SUGCT: variants seen among roughly 807,000 people sequenced by gnomAD.
SUGCT encodes the protein succinyl-CoA:glutarate CoA-transferase.
In SUGCT, 41 loss-of-function variants were observed where a neutral mutation model predicts 55.0. That is an observed-to-expected ratio of 0.74 (90% CI 0.58 to 0.97). The LOEUF is 0.97. Among genes scored for constraint, SUGCT ranks in the 50% least tolerant of loss-of-function variants. The probability of loss-of-function intolerance (pLI) is 0.00; values close to 1 mark genes in which losing one functional copy is unlikely to be tolerated. For synonymous variants in SUGCT, 187 were observed against 200.4 expected, an observed-to-expected ratio of 0.93 and a Z score of 0.56; for missense variants, 568 against 547.8, an observed-to-expected ratio of 1.04 and a Z score of -0.37.
chr7:40,643,570 G>T lies in SUGCT; in HGVS notation c.1090-105864G>T, dbSNP rs541166895. Among the ~76,000 whole-genome samples, 10 of 152,258 alleles carry T rather than the reference G, an allele frequency of 6.6e-5. No individual in the cohort carries two copies. The East Asian group carries it at 1.7e-3, about 26-fold the overall frequency. On this transcript the variant is annotated intron_variant, in intron 12 of 13. Transcript: ENST00000335693. ...GTCTTTTGTTTTGTATCTGAAGAAAGAGTTCAATGCTAAAAGGAAAACATT... is the reference window on the plus strand; with the variant it reads ...GTCTTTTGTTTTGTATCTGAAGAAATAGTTCAATGCTAAAAGGAAAACATT...
At chr7:40,900,817 C>T in the SUGCT span, among the ~76,000 whole-genome samples, 1 of 152,226 alleles carries the variant, frequency 6.6e-6, no homozygotes, top group Admixed American at 6.5e-5. Flanking sequence ...AGAAGAATGG[C>T]ACATCATTTA....
At chr7:40,998,553 A>C in the SUGCT span, among the ~76,000 whole-genome samples, 1 of 152,172 alleles carries the variant, frequency 6.6e-6, no homozygotes, top group Non-Finnish European at 1.5e-5. Flanking sequence ...CAGCAGTCAT[A>C]AATTAGTATC....
chr7:40,276,795 ATGTGTGTGTGTG>A (rs754085745), intron 8 of SUGCT, among the ~76,000 whole-genome samples: 1 of 146,862 alleles, frequency 6.8e-6, no homozygotes, highest in Admixed American at 6.8e-5. Flanking sequence ...TGGGGTGTGC[ATGTGTGTGTGTG>A]TGTGTGTGTG....
At chr7:40,834,930 G>A (rs1584509801) in intron 13 of SUGCT, among the ~76,000 whole-genome samples, 1 of 152,124 alleles carries the variant, frequency 6.6e-6, no homozygotes, top group Admixed American at 6.5e-5. Context: ...TGAATCCATC[G>A]ATGTGTCATT....
At chr7:40,627,366 C>T (rs753466443) in intron 12 of SUGCT, among the ~76,000 whole-genome samples, 4 of 152,168 alleles carry the variant, frequency 2.6e-5, no homozygotes, top group Non-Finnish European at 4.4e-5. Flanking sequence ...TGGTGTTCAT[C>T]CCATGTAAAT....
chr7:40,421,960 A>G (rs1169838145), intron 9 of SUGCT, among the ~76,000 whole-genome samples: 1 of 152,136 alleles, frequency 6.6e-6, no homozygotes. Context: ...TTAGGTGTTA[A>G]GACATTAGTG....
At chr7:40,156,088 C>T (rs369087847) in intron 1 of SUGCT, among the ~76,000 whole-genome samples, 2 of 152,076 alleles carry the variant, frequency 1.3e-5, no homozygotes, top group African/African-American at 4.8e-5. Flanking sequence ...AACTCCTGAC[C>T]TGAAGTGATC....
chr7:40,732,912 C>T (rs1196783189), intron 12 of SUGCT, among the ~76,000 whole-genome samples: 1 of 152,022 alleles, frequency 6.6e-6, no homozygotes. Flanking sequence ...CAGCATGGTG[C>T]AACCCCAACT....
chr7:40,853,457 C>T (rs571555231), intron 13 of SUGCT, among the ~76,000 whole-genome samples: 251 of 152,158 alleles, frequency 1.6e-3, no homozygotes, highest in African/African-American at 5.2e-3. Flanking sequence ...CTCCGCCTCC[C>T]GGGCTCAAGA....
At chr7:41,010,419 G>C in the SUGCT span, among the ~76,000 whole-genome samples, 1 of 152,234 alleles carries the variant, frequency 6.6e-6, no homozygotes, top group African/African-American at 2.4e-5. Flanking sequence ...ACATTTCTAG[G>C]AGTGAAATCT....
At chr7:40,684,522 C>T (rs1784386112) in intron 12 of SUGCT, among the ~76,000 whole-genome samples, 1 of 152,170 alleles carries the variant, frequency 6.6e-6, no homozygotes, top group Admixed American at 6.5e-5. Context: ...CACCTCTCGT[C>T]TTCAGATTCT....
chr7:40,360,239 C>G (rs1798085001), intron 9 of SUGCT, among the ~76,000 whole-genome samples: 1 of 152,178 alleles, frequency 6.6e-6, no homozygotes, highest in Admixed American at 6.5e-5. Flanking sequence ...GTCTAGAACT[C>G]CTGATTTCAA....
intron 12 of SUGCT, among the ~76,000 whole-genome samples, chr7:40,746,172 G>A (rs1787722153): frequency 6.6e-6 from 1 of 152,152 alleles, no homozygotes; most frequent in Non-Finnish European, 1.5e-5. Flanking sequence ...AAGCAGGAGA[G>A]ATTTATGTTA....
rs1288259551 is a variant in SUGCT at position 40,735,375 on chromosome 7, AC to A, written c.1090-14058del. ...CTACTTAGTCTTGGGAAAGGTTGGA[AC>A]ACCAAATTAAGACTTCAAATGTAGC... On this transcript the variant is annotated intron_variant, in intron 12 of 13. Transcript: ENST00000335693. Among the ~76,000 whole-genome samples, 4 of 152,146 alleles carry A rather than the reference AC, an allele frequency of 2.6e-5. No individual in the cohort carries two copies. In the East Asian group the frequency reaches 7.7e-4, roughly 29 times the overall value.
chr7:40,730,530 ATACT>A (rs1383528502), intron 12 of SUGCT, among the ~76,000 whole-genome samples: 3 of 152,314 alleles, frequency 2.0e-5, no homozygotes, highest in African/African-American at 7.2e-5. Flanking sequence ...AATACCTCAC[ATACT>A]TATTTTTTTG....
chr7:40,607,106 ATTTT>A (rs201083553), intron 12 of SUGCT, among the ~76,000 whole-genome samples: 1 of 141,040 alleles, frequency 7.1e-6, no homozygotes, highest in Admixed American at 7.1e-5. Context: ...CTTTTTCTGG[ATTTT>A]TTTTTTTTTT....
At chr7:40,764,104 G>C (rs891408037) in intron 13 of SUGCT, among the ~76,000 whole-genome samples, 1 of 152,058 alleles carries the variant, frequency 6.6e-6, no homozygotes, top group Non-Finnish European at 1.5e-5. Flanking sequence ...AAAAAAGTGT[G>C]GTCCTGTGTT....
At chr7:40,178,838 T>C (rs535940483) in intron 1 of SUGCT, among the ~76,000 whole-genome samples, 8 of 152,192 alleles carry the variant, frequency 5.3e-5, no homozygotes, top group Non-Finnish European at 1.2e-4. Flanking sequence ...TAATATTCTC[T>C]TTTCTGTTTT....
At chr7:40,275,448 T>A (rs1792401967) in intron 8 of SUGCT, among the ~76,000 whole-genome samples, 1 of 152,182 alleles carries the variant, frequency 6.6e-6, no homozygotes, top group Non-Finnish European at 1.5e-5. Context: ...AAATATATAA[T>A]TTTTACTAAC....
Sources: allele counts gnomAD v4.1 joint callset (sites outside exome capture counted in the v4.1 genomes callset), GRCh38; gene constraint gnomAD v4.1.1; transcripts MANE v1.5; gene names NCBI Gene and HGNC (gene_info 2026-07-23, HGNC 2026-07-21).